GSE1: variants seen among roughly 807,000 people sequenced by gnomAD.
The protein encoded by GSE1 is Gse1 coiled-coil protein, also known as genetic suppressor element 1.
GSE1 carries 32 observed loss-of-function variants against 112.6 expected under a neutral mutation model. The observed-to-expected ratio is 0.28, with a 90% CI of 0.21 to 0.38. The LOEUF (loss-of-function observed/expected upper bound fraction) is 0.38. Ranked by LOEUF, GSE1 falls within the 10% of genes least tolerant of loss-of-function variation. The pLI is 1.00. For missense variants in GSE1, 2,348 were observed against 1,699.2 expected (o/e 1.38, Z -6.71); for synonymous variants, 1,115 against 735.6 (o/e 1.52, Z -8.35).
In GSE1 at chr16:85,491,100, C is replaced by G. The variant is rs533679086; in HGVS notation, c.2464+133457C>G. The stretch of plus-strand genomic sequence containing the variant: ...CGGGGGAGGGGTACAGCTGGGCCCC[C>G]CAAGCCCTGTCGCAGGGGGCGGCAC... On this transcript the variant is annotated intron_variant, in intron 2 of 2. Transcript: ENST00000637419. Among the ~76,000 whole-genome samples, 4 of 152,310 alleles carry G rather than the reference C, an allele frequency of 2.6e-5. No individual in the cohort carries two copies. The East Asian group carries it at 7.7e-4, about 29-fold the overall frequency.
intron 2 of GSE1, among the ~76,000 whole-genome samples, chr16:85,485,890 C>A (rs534802228): frequency 6.6e-6 from 1 of 152,338 alleles, no homozygotes; most frequent in South Asian, 2.1e-4. Context: ...GTTCTTCCCC[C>A]AAACACACAC....
chr16:85,425,066 C>G (rs12922224), intron 2 of GSE1, among the ~76,000 whole-genome samples: 1 of 151,896 alleles, frequency 6.6e-6, no homozygotes, highest in Non-Finnish European at 1.5e-5. Flanking sequence ...CTGGGGGCCC[C>G]GGGCCACTCA....
In GSE1 at chr16:85,442,447, T is replaced by C. The variant is rs575886348; in HGVS notation, c.2464+84804T>C. Among the ~76,000 whole-genome samples, 7 of 151,468 alleles carry C rather than the reference T, an allele frequency of 4.6e-5. No individual in the cohort carries two copies. The South Asian group carries it at 1.5e-3, about 32-fold the overall frequency. On this transcript the variant is annotated intron_variant, in intron 2 of 2. Transcript: ENST00000637419. Reference sequence around the variant, plus strand: ...AATGTTTATTGAATGAATGGATGAATGAATGAATGAATGAATGAATGAAGG... The same window carrying C: ...AATGTTTATTGAATGAATGGATGAACGAATGAATGAATGAATGAATGAAGG...
intron 1 of GSE1, among the ~76,000 whole-genome samples, chr16:85,209,290 G>C (rs2075181695): frequency 1.3e-5 from 2 of 152,156 alleles, no homozygotes; most frequent in Non-Finnish European, 2.9e-5. Flanking sequence ...CGAGGATTAA[G>C]GAACTTGCCC....
At chr16:85,539,993 C>T (rs1411081656) in intron 2 of GSE1, among the ~76,000 whole-genome samples, 10 of 152,164 alleles carry the variant, frequency 6.6e-5, no homozygotes, top group South Asian at 2.1e-4. Flanking sequence ...GCTGCAGGCT[C>T]GTCTTTTATT....
At chr16:85,642,041 C>A (rs944094281) in intron 2 of GSE1, among the ~76,000 whole-genome samples, 1 of 152,272 alleles carries the variant, frequency 6.6e-6, no homozygotes, top group Admixed American at 6.5e-5. Flanking sequence ...GCTGTTCCAG[C>A]CTACACCGGC....
Position 85,654,841 on chromosome 16 carries a change from A to G in GSE1, c.647A>G (p.Glu216Gly), listed in dbSNP as rs1343538488. The change falls in exon 5 of 16, where the codon GAG (glutamate) becomes GGG (glycine). Residue 216 changes from glutamate to glycine, a missense_variant. Coordinates refer to ENST00000253458, the MANE Select transcript of GSE1 (RefSeq NM_014615.5). Reference protein sequence around the residue: ...HHVVPPSTVTEDYLRSFRPYH... With the variant: ...HHVVPPSTVTGDYLRSFRPYH... ...GTGGTGCCCCCCAGTACCGTGACCG[A>G]GGACTACCTGAGAAGCTTCCGGCCC... 2 of 1,611,684 alleles carry G rather than the reference A, an allele frequency of 1.2e-6. No homozygotes were observed. The highest frequency in any genetic ancestry group is 2.7e-5 in the African/African-American group (2 of 74,780).
At chr16:85,586,767 A>G (rs892196894) in intron 1 of GSE1, among the ~76,000 whole-genome samples, 8 of 152,180 alleles carry the variant, frequency 5.3e-5, no homozygotes, top group African/African-American at 1.7e-4. Context: ...CCTGGGCTGC[A>G]GGAAACCCCG....
intron 1 of GSE1, among the ~76,000 whole-genome samples, chr16:85,351,703 C>T (rs184189593): frequency 6.6e-6 from 1 of 152,234 alleles, no homozygotes; most frequent in Non-Finnish European, 1.5e-5. Flanking sequence ...TTTAAAATAG[C>T]CTTGGGCTGG....
At chr16:85,665,308 T>G in intron 12 of GSE1, among the ~76,000 whole-genome samples, 180 bp downstream of exon 12, 1 of 151,726 alleles carries the variant, frequency 6.6e-6, no homozygotes, top group Non-Finnish European at 1.5e-5. Context: ...GGACGGAACG[T>G]CAGTTTGAAG....
In GSE1 at chr16:85,465,355, G is replaced by C. The variant is rs147042618; in HGVS notation, c.2464+107712G>C. 2.2e-3 allele frequency among the ~76,000 whole-genome samples: 331 copies of C among 152,308 alleles called. 3 individuals are homozygous for C. The highest frequency in any genetic ancestry group is 7.3e-3 in the African/African-American group (302 of 41,550). On this transcript the variant is annotated intron_variant, in intron 2 of 2. Transcript: ENST00000637419. ...TGGGCTGTAAGGGAAGCATGTAATA[G>C]AACCATGAACAGCGCCAGGCCTGGG...
chr16:85,255,095 C>CGGCGGT (rs1488159718), intron 1 of GSE1, among the ~76,000 whole-genome samples: 3 of 152,220 alleles, frequency 2.0e-5, no homozygotes, highest in African/African-American at 7.2e-5. Flanking sequence ...GAGGCGGCGG[C>CGGCGGT]GGCGGTCGCT....
chr16:85,441,914 G>A (rs1405764281), intron 2 of GSE1, among the ~76,000 whole-genome samples: 2 of 152,172 alleles, frequency 1.3e-5, no homozygotes, highest in Admixed American at 1.3e-4. Context: ...CATCATAGCA[G>A]CTCCCTGTGC....
chr16:85,271,820 T>C (rs894098401), intron 1 of GSE1, among the ~76,000 whole-genome samples: 3 of 152,144 alleles, frequency 2.0e-5, no homozygotes, highest in Admixed American at 2.0e-4. Flanking sequence ...AGTCGGGCTG[T>C]GATGGTTTCT....
intron 1 of GSE1, among the ~76,000 whole-genome samples, chr16:85,577,760 A>G (rs1427102081): frequency 6.6e-6 from 1 of 152,188 alleles, no homozygotes; most frequent in East Asian, 1.9e-4. Context: ...CAGGAGTTTT[A>G]GGAAGAAGCC....
At chr16:85,611,929 G>GC (rs1190749303), upstream of GSE1, among the ~76,000 whole-genome samples, 1 of 152,042 alleles carries the variant, frequency 6.6e-6, no homozygotes, top group Non-Finnish European at 1.5e-5. Flanking sequence ...GCCAAGCCTG[G>GC]CGCGGGCATG....
chr16:85,478,011 A>G (rs566529661), intron 2 of GSE1, among the ~76,000 whole-genome samples: 13 of 152,130 alleles, frequency 8.5e-5, no homozygotes, highest in African/African-American at 3.1e-4. Flanking sequence ...CCTCCCCATT[A>G]GCGGTCACTC....
In GSE1 at chr16:85,207,187, A is replaced by AC. The variant is rs374826898; in HGVS notation, c.2283+35387dup. Among the ~76,000 whole-genome samples, 682 of 149,112 alleles carry AC rather than the reference A, an allele frequency of 4.6e-3. 2 individuals are homozygous for AC. The highest frequency in any genetic ancestry group is 5.6e-3 in the Non-Finnish European group (373 of 67,174). ...GGCAGAATGTGGAGCCGAATCTGGG[A>AC]CCCCCCCGTCCTCCCAAGGGCACTG... On this transcript the variant is annotated intron_variant, in intron 1 of 2. Transcript: ENST00000637419.
At chr16:85,506,382 G>A (rs1324461937) in intron 2 of GSE1, among the ~76,000 whole-genome samples, 6 of 152,242 alleles carry the variant, frequency 3.9e-5, no homozygotes, top group African/African-American at 7.2e-5. Flanking sequence ...GAGCAGGCAC[G>A]TGGGGAAGGC....
Sources: gnomAD v4.1 joint callset for allele counts (sites outside exome capture counted in the v4.1 genomes callset) on GRCh38, gnomAD v4.1.1 for gene constraint, MANE v1.5 for transcripts, NCBI Gene and HGNC (gene_info 2026-07-23, HGNC 2026-07-21) for gene names.